The following ARHGAP18 variants were observed in gnomAD, a reference collection of about 807,000 sequenced individuals.
ARHGAP18 encodes the protein rho GTPase-activating protein 18.
In ARHGAP18, 67 loss-of-function variants were observed where a neutral mutation model predicts 86.2. The ratio of observed to expected loss-of-function variants is 0.78; its 90% CI spans 0.64 to 0.95. The LOEUF (loss-of-function observed/expected upper bound fraction) is 0.95, where lower values mean the gene tolerates loss of function less well. ARHGAP18 is among the 40% of genes least tolerant of loss of function. The pLI is 0.00. For missense variants in ARHGAP18, 691 were observed against 780.4 expected, an observed-to-expected ratio of 0.89 and a Z score of 1.37; for synonymous variants, 283 against 280.4, an observed-to-expected ratio of 1.01 and a Z score of -0.09.
intron 1 of ARHGAP18, among the ~76,000 whole-genome samples, chr6:129,645,113 A>G (rs1178617203): frequency 1.3e-5 from 2 of 152,088 alleles, no homozygotes; most frequent in Admixed American, 1.3e-4. Flanking sequence ...GTAATAGACT[A>G]CCCTCCTTGG....
intron 12 of ARHGAP18, among the ~76,000 whole-genome samples, chr6:129,596,438 C>T (rs1455186381): frequency 2.0e-5 from 3 of 152,104 alleles, no homozygotes; most frequent in Non-Finnish European, 4.4e-5. Flanking sequence ...CTTAATAGTG[C>T]CAGGGGATCT....
chr6:129,600,436 A>G (rs576501466), intron 11 of ARHGAP18, among the ~76,000 whole-genome samples: 1 of 152,350 alleles, frequency 6.6e-6, no homozygotes, highest in South Asian at 2.1e-4. Context: ...GAAAATAGGC[A>G]GAAGTAAATA....
chr6:129,632,392 A>G (rs1161376406), intron 4 of ARHGAP18, among the ~76,000 whole-genome samples: 1 of 152,164 alleles, frequency 6.6e-6, no homozygotes, highest in Non-Finnish European at 1.5e-5. Context: ...TCACATTATG[A>G]ACTTGTCTTC....
At chr6:129,625,155 A>AT (rs1460172523) in intron 5 of ARHGAP18, among the ~76,000 whole-genome samples, 40 of 1,120 alleles carry the variant, frequency 0.036, 4 homozygotes, top group Non-Finnish European at 0.042. Flanking sequence ...TATATTATAT[A>AT]GATATATATT....
chr6:129,603,655 A>C (rs1032094274), intron 10 of ARHGAP18, among the ~76,000 whole-genome samples: 1 of 152,232 alleles, frequency 6.6e-6, no homozygotes. Context: ...TTAAAACTAC[A>C]AAAAAGATAA....
chr6:129,583,890 CAAAAA>C, intron 13 of ARHGAP18, 93 bp downstream of exon 13: 1 of 1,209,180 alleles, frequency 8.3e-7, no homozygotes. Flanking sequence ...ACAATTAAAA[CAAAAA>C]AAAAAAAAAG....
intron 8 of ARHGAP18, among the ~76,000 whole-genome samples, chr6:129,608,690 C>T (rs540993434): frequency 3.4e-4 from 52 of 152,288 alleles, no homozygotes; most frequent in Non-Finnish European, 6.8e-4. Flanking sequence ...CAAAATTTGT[C>T]AGGCAAATTA....
chr6:129,696,579 T>C (rs936685902), intron 1 of ARHGAP18, among the ~76,000 whole-genome samples: 1 of 152,230 alleles, frequency 6.6e-6, no homozygotes, highest in Admixed American at 6.5e-5. Context: ...ACAAATATTG[T>C]TGAGTTCTAT....
chr6:129,696,885 G>A (rs17467757), intron 1 of ARHGAP18, among the ~76,000 whole-genome samples: 33,208 of 152,062 alleles, frequency 0.22, 4,697 homozygotes, highest in Non-Finnish European at 0.3. Flanking sequence ...TTTCACCAAA[G>A]ATAACCACAA....
At chr6:129,627,110 G>T (rs1205922317) in intron 5 of ARHGAP18, among the ~76,000 whole-genome samples, 1 of 152,076 alleles carries the variant, frequency 6.6e-6, no homozygotes, top group African/African-American at 2.4e-5. Flanking sequence ...GTAAATCCAT[G>T]AGTTAAGACT....
chr6:129,613,493 T>G (rs34981688), intron 7 of ARHGAP18, among the ~76,000 whole-genome samples: 2,909 of 152,334 alleles, frequency 0.019, 40 homozygotes, highest in Non-Finnish European at 0.032. Flanking sequence ...GTATGCTAGC[T>G]GCTGGAGCAA....
intron 1 of ARHGAP18, among the ~76,000 whole-genome samples, chr6:129,659,726 G>A (rs927798019): frequency 3.3e-5 from 5 of 152,220 alleles, no homozygotes; most frequent in Non-Finnish European, 5.9e-5. Context: ...GGGATTATAG[G>A]TGTGAGCCAC....
intron 1 of ARHGAP18, among the ~76,000 whole-genome samples, chr6:129,694,972 C>T (rs982758374): frequency 2.6e-5 from 4 of 152,124 alleles, no homozygotes; most frequent in Non-Finnish European, 5.9e-5. Flanking sequence ...AAGACAGCTA[C>T]AAAAAATTAA....
At chr6:129,583,957 A>G (rs746450209) in intron 13 of ARHGAP18, 31 bp downstream of exon 13, 17 of 1,607,914 alleles carry the variant, frequency 1.1e-5, no homozygotes, top group African/African-American at 1.3e-5. Flanking sequence ...GACTTATGCC[A>G]TGGCATAATT....
chr6:129,661,972 C>T (rs1773962224), intron 1 of ARHGAP18: 18 of 883,284 alleles, frequency 2.0e-5, no homozygotes, highest in Non-Finnish European at 2.4e-5. Context: ...CCTGGTGTTG[C>T]CACACACACA....
intron 1 of ARHGAP18, among the ~76,000 whole-genome samples, chr6:129,648,591 T>C (rs769117402): frequency 6.0e-5 from 9 of 150,598 alleles, no homozygotes; most frequent in Admixed American, 5.3e-4. Context: ...GGGCAACTAA[T>C]AAGACACACA....
chr6:129,592,340 G>A (rs949401344), intron 12 of ARHGAP18, among the ~76,000 whole-genome samples: 13 of 152,096 alleles, frequency 8.5e-5, no homozygotes, highest in Admixed American at 7.2e-4. Flanking sequence ...ATAAAGGCAC[G>A]CAACCCTGGC....
At chr6:129,652,936 A>G (rs1041693278) in intron 1 of ARHGAP18, among the ~76,000 whole-genome samples, 1 of 152,238 alleles carries the variant, frequency 6.6e-6, no homozygotes, top group Non-Finnish European at 1.5e-5. Flanking sequence ...TAGCAAATAT[A>G]TTGCCCTTCA....
At chr6:129,708,847 T>C (rs556052441) in intron 1 of ARHGAP18, among the ~76,000 whole-genome samples, 1 of 152,312 alleles carries the variant, frequency 6.6e-6, no homozygotes, top group South Asian at 2.1e-4. Context: ...ATTAAGTCAT[T>C]TAAAATGATG....
Sources: gnomAD v4.1 joint callset for allele counts (sites outside exome capture counted in the v4.1 genomes callset) on GRCh38, gnomAD v4.1.1 for gene constraint, MANE v1.5 for transcripts, NCBI Gene and HGNC (gene_info 2026-07-23, HGNC 2026-07-21) for gene names.